Variants in SYNDIG1 observed in about 807,000 individuals in gnomAD.
SYNDIG1 encodes synapse differentiation inducing 1, also known as synapse differentiation-inducing gene protein 1.
SYNDIG1 carries 9 observed loss-of-function variants against 19.4 expected under a neutral mutation model. The observed-to-expected ratio is 0.46, with a 90% CI of 0.28 to 0.81. The LOEUF is 0.81. SYNDIG1 is among the 30% of genes least tolerant of loss of function. The probability of loss-of-function intolerance (pLI) is 0.12; values close to 1 mark genes in which losing one functional copy is unlikely to be tolerated. For synonymous variants in SYNDIG1, 141 were observed against 145.9 expected (o/e 0.97, Z 0.24); for missense variants, 311 against 343.3 (o/e 0.91, Z 0.74).
At chr20:24,591,098 G>C (rs1872607335) in intron 3 of SYNDIG1, among the ~76,000 whole-genome samples, 1 of 152,044 alleles carries the variant, frequency 6.6e-6, no homozygotes, top group Admixed American at 6.6e-5. Context: ...GTGTGTGTGT[G>C]TGTGTGTGTG....
At chr20:24,534,282 A>C (rs2057318399) in intron 1 of SYNDIG1, among the ~76,000 whole-genome samples, 3 of 152,132 alleles carry the variant, frequency 2.0e-5, no homozygotes, top group Admixed American at 2.0e-4. Context: ...AGCTAGAAGC[A>C]GGGGGCCCCC....
chr20:24,540,207 T>G (rs2057441726), intron 1 of SYNDIG1, among the ~76,000 whole-genome samples: 1 of 152,230 alleles, frequency 6.6e-6, no homozygotes, highest in East Asian at 1.9e-4. Flanking sequence ...TTCAGATTCT[T>G]CATTGTTGGT....
intron 1 of SYNDIG1, among the ~76,000 whole-genome samples, chr20:24,538,942 G>T (rs2057414297): frequency 6.6e-6 from 1 of 151,990 alleles, no homozygotes; most frequent in African/African-American, 2.4e-5. Context: ...GCCAGTTTTT[G>T]AATCAGATTA....
intron 3 of SYNDIG1, among the ~76,000 whole-genome samples, chr20:24,613,869 C>G (rs181459069): frequency 6.6e-6 from 1 of 152,206 alleles, no homozygotes; most frequent in Admixed American, 6.5e-5. Context: ...TAATCTAGGG[C>G]TTTGCGGGGA....
chr20:24,640,354 C>CGAGA (rs142254268), intron 3 of SYNDIG1, among the ~76,000 whole-genome samples: 406 of 135,110 alleles, frequency 3.0e-3, no homozygotes, highest in African/African-American at 0.01. Flanking sequence ...ACATTGAGAG[C>CGAGA]GAGAGAGAGA....
intron 3 of SYNDIG1, among the ~76,000 whole-genome samples, chr20:24,647,519 A>G (rs2059433455): frequency 6.6e-6 from 1 of 152,056 alleles, no homozygotes; most frequent in South Asian, 2.1e-4. Flanking sequence ...AGTGCGGCAC[A>G]GGGGATGGGG....
At chr20:24,542,957 TG>T in intron 1 of SYNDIG1, 62 bp from the exon 2 acceptor site, 1 of 1,286,904 alleles carries the variant, frequency 7.8e-7, no homozygotes, top group Non-Finnish European at 1.1e-6. Flanking sequence ...AATGTGGGTC[TG>T]GGTGATTAGC....
intron 3 of SYNDIG1, among the ~76,000 whole-genome samples, chr20:24,607,663 C>A (rs1224126724): frequency 6.6e-6 from 1 of 152,246 alleles, no homozygotes; most frequent in East Asian, 1.9e-4. Flanking sequence ...AATTCACAGG[C>A]AGCTGTGGGG....
At chr20:24,619,665 A>G (rs1229196703) in intron 3 of SYNDIG1, among the ~76,000 whole-genome samples, 6 of 152,272 alleles carry the variant, frequency 3.9e-5, no homozygotes, top group Admixed American at 2.0e-4. Context: ...AGATAAATGT[A>G]GTGTTGCCAC....
chr20:24,499,134 C>T (rs1408008124), intron 1 of SYNDIG1, among the ~76,000 whole-genome samples: 1 of 152,200 alleles, frequency 6.6e-6, no homozygotes, highest in African/African-American at 2.4e-5. Context: ...AAGTGATTCT[C>T]CTGCCTCAGC....
chr20:24,549,460 G>T (rs76683313), intron 2 of SYNDIG1, among the ~76,000 whole-genome samples: 1 of 152,146 alleles, frequency 6.6e-6, no homozygotes, highest in African/African-American at 2.4e-5. Flanking sequence ...GATTCCCCTT[G>T]CAGGACGTGG....
intron 1 of SYNDIG1, among the ~76,000 whole-genome samples, chr20:24,477,435 C>T (rs2055665423): frequency 6.6e-6 from 1 of 152,174 alleles, no homozygotes; most frequent in Admixed American, 6.5e-5. Context: ...ACCTATCTGT[C>T]CCACCCAGAG....
chr20:24,541,014 T>C (rs2057457728), intron 1 of SYNDIG1, among the ~76,000 whole-genome samples: 1 of 152,202 alleles, frequency 6.6e-6, no homozygotes, highest in Admixed American at 6.5e-5. Flanking sequence ...TGAAGCCATT[T>C]TGTAGAAAAT....
chr20:24,533,970 G>A (rs2057312687), intron 1 of SYNDIG1, among the ~76,000 whole-genome samples: 1 of 152,158 alleles, frequency 6.6e-6, no homozygotes, highest in East Asian at 1.9e-4. Flanking sequence ...CACGGCACTG[G>A]CATCTGCTCA....
intron 1 of SYNDIG1, among the ~76,000 whole-genome samples, chr20:24,470,886 C>G (rs767763822): frequency 6.6e-5 from 10 of 152,000 alleles, no homozygotes; most frequent in Non-Finnish European, 1.2e-4. Flanking sequence ...CTGGCTCGGA[C>G]CGATGCCTGC....
At chr20:24,557,863 C>T (rs902998811) in intron 2 of SYNDIG1, among the ~76,000 whole-genome samples, 4 of 152,154 alleles carry the variant, frequency 2.6e-5, no homozygotes, top group African/African-American at 9.7e-5. Context: ...AGAAATCACC[C>T]GTCTTCTGCG....
chr20:24,665,637 A>G lies in SYNDIG1; in HGVS notation c.*133A>G, dbSNP rs932193367. The G allele has an allele frequency of 4.5e-6, 6 of 1,325,184 alleles. No homozygotes were observed. Among genetic ancestry groups the G allele is most frequent in the African/African-American group, 4.5e-5 (3 of 66,510 alleles). The allele number at this position is 1,325,184 out of a possible 1,614,324, so 82.1% of individuals were successfully genotyped here. A position where few individuals can be genotyped will look rare whatever the true frequency, so the allele number is the denominator to read the frequency against. On this transcript the variant is annotated 3_prime_UTR_variant, in exon 4 of 4. Transcript: ENST00000376862. ...CACGAAGCCCTGGGATTTCCTACCCATGGATTTATTTTGTTTTTATCCTTT... is the reference window on the plus strand; with the variant it reads ...CACGAAGCCCTGGGATTTCCTACCCGTGGATTTATTTTGTTTTTATCCTTT...
Position 24,623,301 on chromosome 20 carries a change from G to A in SYNDIG1, c.618+38308G>A, listed in dbSNP as rs190757315. Among the ~76,000 whole-genome samples the A allele has an allele frequency of 1.3e-3, 194 of 152,238 alleles. 2 individuals carry two copies. The highest frequency in any genetic ancestry group is 8.5e-3 in the East Asian group (44 of 5,188). ...CAAGTTAGAATTGCATATTCAGTAA[G>A]AATATCCCTCAAAAGTCAAGGATAA... On this transcript the variant is annotated intron_variant, in intron 3 of 3. Coordinates refer to ENST00000376862, the MANE Select transcript of SYNDIG1 (RefSeq NM_024893.3).
chr20:24,584,837 T>C lies in SYNDIG1; in HGVS notation c.481-19T>C, dbSNP rs2058387739. 1.2e-6 allele frequency: 2 copies of C among 1,614,092 alleles called. No individual in the cohort carries two copies. Among genetic ancestry groups the C allele is most frequent in the East Asian group, 2.2e-5 (1 of 44,870 alleles). The stretch of plus-strand genomic sequence containing the variant: ...ATTAATCTTCTCTCCTGTCCTGTCC[T>C]GCTGGTTCTCTCTTGCAGAGCGACT... On this transcript the variant is annotated intron_variant, in intron 2 of 3. Transcript: ENST00000376862.
Sources: allele counts gnomAD v4.1 joint callset (sites outside exome capture counted in the v4.1 genomes callset), GRCh38; gene constraint gnomAD v4.1.1; transcripts MANE v1.5; gene names NCBI Gene and HGNC (gene_info 2026-07-23, HGNC 2026-07-21).